The following TLN2 variants were observed in gnomAD, a reference collection of about 807,000 sequenced individuals.
The protein encoded by TLN2 is talin-2.
Under a neutral mutation model 294.7 loss-of-function variants are expected in TLN2, and 118 were observed. The ratio of observed to expected loss-of-function variants is 0.40; its 90% CI spans 0.34 to 0.47. The LOEUF is 0.47. Ranked by LOEUF, TLN2 falls within the 20% of genes least tolerant of loss-of-function variation. TLN2 has a pLI of 0.84. For missense variants in TLN2, 3,083 were observed against 3,282.2 expected (o/e 0.94, Z 1.48); for synonymous variants, 1,431 against 1,304.5 (o/e 1.10, Z -2.09).
chr15:62,538,409 T>C (rs1263268110), intron 1 of TLN2, among the ~76,000 whole-genome samples: 3 of 152,232 alleles, frequency 2.0e-5, no homozygotes, highest in Non-Finnish European at 4.4e-5. Flanking sequence ...ATCAATACTT[T>C]GCATTGAATG....
chr15:62,644,792 G>A (rs1388982326), intron 3 of TLN2: 1 of 345,120 alleles, frequency 2.9e-6, no homozygotes, highest in African/African-American at 2.1e-5. Context: ...TGGCTCTCGG[G>A]TCCATGTCAT....
chr15:62,586,979 T>C (rs1193277725), intron 1 of TLN2, among the ~76,000 whole-genome samples: 3 of 152,126 alleles, frequency 2.0e-5, no homozygotes, highest in Non-Finnish European at 4.4e-5. Flanking sequence ...ATTGAGAAGA[T>C]AGATGGAAAA....
intron 1 of TLN2, among the ~76,000 whole-genome samples, chr15:62,448,337 T>C (rs896438135): frequency 6.6e-6 from 1 of 152,222 alleles, no homozygotes; most frequent in South Asian, 2.1e-4. Context: ...GTAGCAGTTA[T>C]TGAGTCACTC....
intron 58 of TLN2, among the ~76,000 whole-genome samples, chr15:62,840,116 T>C (rs778029807): frequency 1.3e-5 from 2 of 152,162 alleles, no homozygotes; most frequent in African/African-American, 2.4e-5. Context: ...CCTACATTGC[T>C]CAGCTTCAGA....
At chr15:62,763,743 A>C in intron 40 of TLN2, 48 bp downstream of exon 40, 1 of 1,523,692 alleles carries the variant, frequency 6.6e-7, no homozygotes, top group Non-Finnish European at 8.8e-7. Flanking sequence ...AGATATGTTG[A>C]AAAACCTTAG....
chr15:62,732,738 A>G (rs144602144), intron 28 of TLN2, among the ~76,000 whole-genome samples: 52 of 152,270 alleles, frequency 3.4e-4, no homozygotes, highest in East Asian at 2.1e-3. Context: ...CAAAAACCCA[A>G]TCGTTCTTGG....
chr15:62,522,949 C>T (rs2040537431), intron 1 of TLN2, among the ~76,000 whole-genome samples: 1 of 114,208 alleles, frequency 8.8e-6, no homozygotes, highest in East Asian at 2.5e-4. Context: ...CTTACACACA[C>T]ACACACACAC....
Position 62,574,579 on chromosome 15 carries a change from C to CAAAAAAAAAAAAAAAAAAA in TLN2, c.-237-15086_-237-15068dup, listed in dbSNP as rs56279063. Among the ~76,000 whole-genome samples the CAAAAAAAAAAAAAAAAAAA allele has an allele frequency of 2.6e-4, 12 of 46,486 alleles. 3 individuals carry two copies. The highest frequency in any genetic ancestry group is 4.2e-4 in the Non-Finnish European group (11 of 26,332). 30.5% of individuals were successfully genotyped at this position (46,486 alleles called of 152,430 possible). On this transcript the variant is annotated intron_variant, in intron 1 of 58. Transcript: ENST00000636159. ...TGGGCAACAGGATGAGACCCTGTCT[C>CAAAAAAAAAAAAAAAAAAA]AAAAAAAAAAAAAAAAAAAAAAAAA...
intron 51 of TLN2, among the ~76,000 whole-genome samples, chr15:62,808,816 A>T (rs909159212): frequency 1.3e-5 from 2 of 152,244 alleles, no homozygotes; most frequent in Non-Finnish European, 2.9e-5. Flanking sequence ...ATTAGTCCTC[A>T]GATGAGGAAA....
intron 46 of TLN2, among the ~76,000 whole-genome samples, 166 bp from the exon 47 acceptor site, chr15:62,795,961 A>G (rs898760095): frequency 1.3e-5 from 2 of 152,252 alleles, no homozygotes; most frequent in African/African-American, 4.8e-5. Flanking sequence ...CAGGGCCTGT[A>G]AATGGCAAAG....
chr15:62,403,204 C>T (rs879404712), intron 1 of TLN2, among the ~76,000 whole-genome samples: 31 of 148,708 alleles, frequency 2.1e-4, no homozygotes, highest in Non-Finnish European at 4.0e-4. Flanking sequence ...TGTGACAAAG[C>T]GAGACTCCAT....
At chr15:62,776,966 G>A (rs562368964) in intron 43 of TLN2, 56 bp downstream of exon 43, 56 of 1,362,670 alleles carry the variant, frequency 4.1e-5, no homozygotes, top group South Asian at 8.7e-5. Context: ...CATGGGCCTC[G>A]CGTGCTTTTC....
intron 45 of TLN2, chr15:62,784,251 G>A (rs1054174418): frequency 3.5e-5 from 13 of 373,442 alleles, no homozygotes; most frequent in Middle Eastern, 6.7e-4. Flanking sequence ...CACATCCCCC[G>A]CAATTATTTT....
intron 1 of TLN2, among the ~76,000 whole-genome samples, chr15:62,445,764 A>G (rs2035788623): frequency 6.6e-6 from 1 of 152,010 alleles, no homozygotes; most frequent in African/African-American, 2.4e-5. Flanking sequence ...CCTGGGCTCA[A>G]AGAATCCTTT....
intron 22 of TLN2, among the ~76,000 whole-genome samples, chr15:62,714,817 C>G (rs1015005717): frequency 2.6e-5 from 4 of 151,972 alleles, no homozygotes; most frequent in Non-Finnish European, 5.9e-5. Context: ...AATTAGTACC[C>G]CATATCTGAT....
intron 1 of TLN2, among the ~76,000 whole-genome samples, chr15:62,447,833 C>T (rs367777763): frequency 3.9e-5 from 6 of 152,126 alleles, no homozygotes; most frequent in African/African-American, 1.4e-4. Context: ...GGTGCTCGGC[C>T]CCGCCCCACT....
intron 32 of TLN2, among the ~76,000 whole-genome samples, chr15:62,744,079 A>G (rs1012930715): frequency 6.6e-6 from 1 of 152,162 alleles, no homozygotes; most frequent in African/African-American, 2.4e-5. Flanking sequence ...CTTACCTAGA[A>G]TGTTTCCTTC....
At chr15:62,657,360 TTGA>T (rs1167252968) in intron 8 of TLN2, among the ~76,000 whole-genome samples, 1 of 152,190 alleles carries the variant, frequency 6.6e-6, no homozygotes, top group Non-Finnish European at 1.5e-5. Context: ...GGGGGTTGGG[TTGA>T]TTTTACCTCT....
chr15:62,766,173 C>T, intron 40 of TLN2, 148 bp from the exon 41 acceptor site: 1 of 580,256 alleles, frequency 1.7e-6, no homozygotes, highest in South Asian at 2.7e-5. Flanking sequence ...AAGGTCAGGG[C>T]AGGGTGCAGT....
Sources: gnomAD v4.1 joint callset for allele counts (sites outside exome capture counted in the v4.1 genomes callset) on GRCh38, gnomAD v4.1.1 for gene constraint, MANE v1.5 for transcripts, NCBI Gene and HGNC (gene_info 2026-07-23, HGNC 2026-07-21) for gene names.